Variants in NAALADL2 observed in about 807,000 individuals in gnomAD.
The protein encoded by NAALADL2 is inactive N-acetylated-alpha-linked acidic dipeptidase-like protein 2.
Under a neutral mutation model 87.2 loss-of-function variants are expected in NAALADL2, and 76 were observed. The observed-to-expected ratio is 0.87, with a 90% CI of 0.72 to 1.05. The LOEUF is 1.05. NAALADL2 is among the 50% of genes least tolerant of loss of function. NAALADL2 has a pLI of 0.00. For synonymous variants in NAALADL2, 354 were observed against 331.0 expected (o/e 1.07, Z -0.75); for missense variants, 1,089 against 945.8 (o/e 1.15, Z -1.99).
chr3:175,773,895 G>T (rs1293024088), intron 13 of NAALADL2, among the ~76,000 whole-genome samples: 5 of 151,960 alleles, frequency 3.3e-5, no homozygotes, highest in Admixed American at 3.3e-4. Flanking sequence ...CAACTATATA[G>T]CCACTCTTCC....
chr3:175,470,544 GTA>G lies in NAALADL2; in HGVS notation c.1534-1093_1534-1092del, dbSNP rs1364054798. 2.0e-5 allele frequency among the ~76,000 whole-genome samples: 3 copies of G among 152,198 alleles called. No homozygotes were observed. The East Asian group carries it at 5.8e-4, about 29-fold the overall frequency. The stretch of plus-strand genomic sequence containing the variant: ...GGATGACATTATCTATTTGGCAGGT[GTA>G]TGAGTCCTTGTAGTCTTCCATTTCA... On this transcript the variant is annotated intron_variant, in intron 8 of 13. Transcript: ENST00000454872.
intron 2 of NAALADL2, among the ~76,000 whole-genome samples, chr3:175,130,426 A>G (rs1727647198): frequency 6.6e-6 from 1 of 152,180 alleles, no homozygotes; most frequent in Non-Finnish European, 1.5e-5. Context: ...GTCAAGACCA[A>G]TGCCACAGAA....
chr3:175,335,911 G>A (rs927450137), intron 5 of NAALADL2, among the ~76,000 whole-genome samples: 7 of 152,022 alleles, frequency 4.6e-5, no homozygotes, highest in African/African-American at 1.2e-4. Flanking sequence ...GGCTTTGGTC[G>A]CTCTTTTAAA....
At chr3:175,718,424 A>C (rs1047744376) in intron 11 of NAALADL2, 8 of 1,587,490 alleles carry the variant, frequency 5.0e-6, no homozygotes, top group Middle Eastern at 2.0e-4. Flanking sequence ...TACAAATCTT[A>C]AAAAGGGGGG....
intron 11 of NAALADL2, among the ~76,000 whole-genome samples, chr3:175,637,239 T>C (rs760176680): frequency 6.6e-6 from 1 of 152,234 alleles, no homozygotes; most frequent in South Asian, 2.1e-4. Flanking sequence ...TTGTCAATGT[T>C]TGATATATGG....
At chr3:175,159,776 C>T (rs1043527803) in intron 2 of NAALADL2, among the ~76,000 whole-genome samples, 9 of 151,662 alleles carry the variant, frequency 5.9e-5, no homozygotes, top group African/African-American at 2.2e-4. Flanking sequence ...GATTTCCTTC[C>T]TTCCCTCCCT....
intron 10 of NAALADL2, among the ~76,000 whole-genome samples, chr3:175,591,475 C>A (rs894350823): frequency 1.1e-4 from 17 of 151,718 alleles, no homozygotes; most frequent in African/African-American, 4.1e-4. Flanking sequence ...AAATGTTAAT[C>A]ATCATCCCAA....
chr3:175,365,964 C>T lies in NAALADL2; in HGVS notation c.1090+41639C>T, dbSNP rs190666243. ...ATACATGTGCCATGCTAGTGTGCCG[C>T]ACCCATTAACTCGTCATTTAGCATT... On this transcript the variant is annotated intron_variant, in intron 5 of 13. Coordinates refer to ENST00000454872, the MANE Select transcript of NAALADL2 (RefSeq NM_207015.3). Among the ~76,000 whole-genome samples, 104 of 141,318 alleles carry T rather than the reference C, an allele frequency of 7.4e-4. 10 individuals carry two copies. In the East Asian group the frequency reaches 0.014, roughly 18 times the overall value. 92.7% of individuals were successfully genotyped at this position (141,318 alleles called of 152,430 possible). A position where few individuals can be genotyped will look rare whatever the true frequency, so the allele number is the denominator to read the frequency against.
intron 2 of NAALADL2, among the ~76,000 whole-genome samples, chr3:174,674,752 C>T (rs754929979): frequency 2.0e-5 from 3 of 151,978 alleles, no homozygotes; most frequent in Non-Finnish European, 4.4e-5. Flanking sequence ...TCTCCCTTCA[C>T]TCTTTGTATG....
At chr3:174,567,432 A>G (rs887180607) in intron 2 of NAALADL2, among the ~76,000 whole-genome samples, 10 of 151,548 alleles carry the variant, frequency 6.6e-5, no homozygotes, top group Non-Finnish European at 4.4e-5. Flanking sequence ...ATATCTAAAC[A>G]TTAGGCACTG....
intron 2 of NAALADL2, among the ~76,000 whole-genome samples, chr3:175,228,724 C>T (rs1382689170): frequency 1.3e-5 from 2 of 151,854 alleles, no homozygotes; most frequent in Admixed American, 1.3e-4. Context: ...AAAAGTTTGT[C>T]TTTTAAAAAT....
intron 13 of NAALADL2, among the ~76,000 whole-genome samples, chr3:175,787,226 G>A (rs1288170394): frequency 1.3e-5 from 2 of 152,152 alleles, no homozygotes; most frequent in Non-Finnish European, 2.9e-5. Flanking sequence ...TCCTTGAGCT[G>A]TGGTGGGCTC....
intron 1 of NAALADL2, among the ~76,000 whole-genome samples, chr3:175,041,690 CT>C: frequency 6.6e-6 from 1 of 152,132 alleles, no homozygotes. Flanking sequence ...TTTATGTACA[CT>C]TGCAGGCTTT....
intron 11 of NAALADL2, among the ~76,000 whole-genome samples, chr3:175,697,836 T>C (rs1382526048): frequency 9.9e-6 from 1 of 100,742 alleles, no homozygotes; most frequent in African/African-American, 3.7e-5. Context: ...TATATGTGTA[T>C]TTATGTATAC....
intron 9 of NAALADL2, among the ~76,000 whole-genome samples, chr3:175,478,316 C>T (rs375453822): frequency 4.0e-5 from 6 of 151,784 alleles, no homozygotes; most frequent in Admixed American, 6.6e-5. Context: ...GTTACCACTT[C>T]GATAAAGATT....
At chr3:174,447,633 C>T (rs976223124) in intron 1 of NAALADL2, among the ~76,000 whole-genome samples, 18 of 151,824 alleles carry the variant, frequency 1.2e-4, no homozygotes, top group East Asian at 3.9e-4. Flanking sequence ...CTGGCTAACA[C>T]GGTGAAACCT....
At chr3:174,668,578 C>G (rs541330372) in intron 2 of NAALADL2, among the ~76,000 whole-genome samples, 5 of 152,140 alleles carry the variant, frequency 3.3e-5, no homozygotes, top group African/African-American at 7.2e-5. Context: ...CCTCTCCCCC[C>G]ACCCCGCAAC....
chr3:175,493,753 A>G (rs1193480368), intron 9 of NAALADL2, among the ~76,000 whole-genome samples: 1 of 152,172 alleles, frequency 6.6e-6, no homozygotes, highest in Non-Finnish European at 1.5e-5. Context: ...TCAATCTGCT[A>G]GTACAAGTAT....
chr3:174,676,522 T>A (rs542556456), intron 2 of NAALADL2, among the ~76,000 whole-genome samples: 6 of 152,122 alleles, frequency 3.9e-5, no homozygotes, highest in African/African-American at 1.4e-4. Context: ...CGTAGTTGTA[T>A]AATTGAAAGA....
Sources: allele counts gnomAD v4.1 joint callset (sites outside exome capture counted in the v4.1 genomes callset), GRCh38; gene constraint gnomAD v4.1.1; transcripts MANE v1.5; gene names NCBI Gene and HGNC (gene_info 2026-07-23, HGNC 2026-07-21).